The following LRRC37A2 variants were observed in gnomAD, a reference collection of about 807,000 sequenced individuals.
LRRC37A2 encodes leucine rich repeat containing 37 member A2.
A neutral mutation model predicts 68.8 loss-of-function variants in LRRC37A2; 9 were observed. That is an observed-to-expected ratio of 0.13 (90% CI 0.08 to 0.23). The LOEUF (loss-of-function observed/expected upper bound fraction) is 0.23. LRRC37A2 is among the 10% of genes least tolerant of loss of function. The pLI is 1.00. For missense variants in LRRC37A2, 168 were observed against 950.4 expected (o/e 0.18, Z 10.82); for synonymous variants, 63 against 367.6 (o/e 0.17, Z 9.48).
chr17:46,863,293 C>T, the LRRC37A2 span, among the ~76,000 whole-genome samples: 21 of 152,358 alleles, frequency 1.4e-4, no homozygotes, highest in Middle Eastern at 3.4e-3. Context: ...CCGAACTGCA[C>T]TCCTTGCGTG....
chr17:46,958,678 A>G, the LRRC37A2 span, among the ~76,000 whole-genome samples: 5 of 152,230 alleles, frequency 3.3e-5, no homozygotes, highest in African/African-American at 1.2e-4. Flanking sequence ...TCTGATGGAC[A>G]AGAGTTCTCC....
the LRRC37A2 span, among the ~76,000 whole-genome samples, chr17:46,856,763 C>T: frequency 2.6e-5 from 4 of 151,940 alleles, no homozygotes; most frequent in Non-Finnish European, 5.9e-5. Context: ...GAATTATGGG[C>T]GTGCACCACC....
chr17:47,006,900 G>A, the LRRC37A2 span, among the ~76,000 whole-genome samples: 2 of 152,216 alleles, frequency 1.3e-5, no homozygotes, highest in Non-Finnish European at 2.9e-5. Context: ...CTCTCAGATA[G>A]TGTGAATACA....
chr17:46,874,374 C>A, the LRRC37A2 span, among the ~76,000 whole-genome samples: 5 of 152,254 alleles, frequency 3.3e-5, no homozygotes, highest in African/African-American at 1.2e-4. Context: ...ATGGGCCCAT[C>A]CAAATGGTCA....
At chr17:46,925,370 C>T in the LRRC37A2 span, among the ~76,000 whole-genome samples, 1 of 152,248 alleles carries the variant, frequency 6.6e-6, no homozygotes, top group Non-Finnish European at 1.5e-5. Context: ...TGAGCACCTA[C>T]TATGTGCTGT....
At chr17:46,925,068 A>G in the LRRC37A2 span, among the ~76,000 whole-genome samples, 1 of 152,164 alleles carries the variant, frequency 6.6e-6, no homozygotes, top group African/African-American at 2.4e-5. Flanking sequence ...AGGTGTGTGG[A>G]GTGTAGATGC....
At chr17:46,823,153 T>A in the LRRC37A2 span, among the ~76,000 whole-genome samples, 1 of 100,892 alleles carries the variant, frequency 9.9e-6, no homozygotes, top group African/African-American at 4.9e-5. Context: ...TATATATATT[T>A]ATATATTATA....
the LRRC37A2 span, among the ~76,000 whole-genome samples, chr17:46,803,148 C>T: frequency 6.6e-6 from 1 of 152,332 alleles, no homozygotes; most frequent in South Asian, 2.1e-4. Context: ...GGTGTATGCA[C>T]GCATTTGGTC....
the LRRC37A2 span, among the ~76,000 whole-genome samples, chr17:46,916,521 C>A: frequency 6.6e-6 from 1 of 152,134 alleles, no homozygotes; most frequent in South Asian, 2.1e-4. Context: ...AAACTCTGAT[C>A]GGCGAAATTT....
At chr17:46,795,690 G>T in the LRRC37A2 span, among the ~76,000 whole-genome samples, 1 of 152,178 alleles carries the variant, frequency 6.6e-6, no homozygotes, top group Non-Finnish European at 1.5e-5. Flanking sequence ...CTGCTGTTCT[G>T]CGGCACTGCT....
the LRRC37A2 span, among the ~76,000 whole-genome samples, chr17:47,002,701 T>C: frequency 1.3e-5 from 2 of 152,318 alleles, no homozygotes; most frequent in South Asian, 4.1e-4. Flanking sequence ...TTAGTTATTT[T>C]TAAATATACA....
chr17:46,749,011 G>T, the LRRC37A2 span, among the ~76,000 whole-genome samples: 2 of 152,156 alleles, frequency 1.3e-5, no homozygotes, highest in African/African-American at 2.4e-5. Flanking sequence ...GGGAAGGGGG[G>T]TAGTGCAAAA....
chr17:46,737,653 T>C, the LRRC37A2 span, among the ~76,000 whole-genome samples: 1 of 151,152 alleles, frequency 6.6e-6, no homozygotes, highest in South Asian at 2.1e-4. Context: ...CAATCCAGGG[T>C]GGGAGAAAGA....
the LRRC37A2 span, chr17:46,876,943 C>A: frequency 1.5e-6 from 2 of 1,320,608 alleles, no homozygotes; most frequent in Admixed American, 7.0e-5. Flanking sequence ...CCAAGCATCC[C>A]CAACCTTGTT....
the LRRC37A2 span, among the ~76,000 whole-genome samples, chr17:46,951,370 A>T: frequency 6.6e-6 from 1 of 151,974 alleles, no homozygotes; most frequent in African/African-American, 2.4e-5. Flanking sequence ...CTCCTTACCC[A>T]TCAATTTCAT....
the LRRC37A2 span, among the ~76,000 whole-genome samples, chr17:46,720,322 C>T: frequency 6.6e-6 from 1 of 152,140 alleles, no homozygotes; most frequent in African/African-American, 2.4e-5. Context: ...GCATTTGTAT[C>T]TCTTTGGCGT....
At chr17:46,820,196 G>T in the LRRC37A2 span, among the ~76,000 whole-genome samples, 4 of 152,160 alleles carry the variant, frequency 2.6e-5, no homozygotes, top group Non-Finnish European at 5.9e-5. Flanking sequence ...AGCCCTCTCC[G>T]CACGCGGCTG....
chr17:47,011,061 G>T, the LRRC37A2 span, among the ~76,000 whole-genome samples: 1 of 152,146 alleles, frequency 6.6e-6, no homozygotes, highest in Non-Finnish European at 1.5e-5. Context: ...GTCTTAGACA[G>T]AAAAAGAGAC....
At chr17:46,717,902 A>G in the LRRC37A2 span, among the ~76,000 whole-genome samples, 3 of 152,158 alleles carry the variant, frequency 2.0e-5, no homozygotes, top group African/African-American at 7.2e-5. Flanking sequence ...CAACTCCTGG[A>G]TATGAGCTCA....
Sources: gnomAD v4.1 joint callset for allele counts (sites outside exome capture counted in the v4.1 genomes callset) on GRCh38, gnomAD v4.1.1 for gene constraint, MANE v1.5 for transcripts, NCBI Gene and HGNC (gene_info 2026-07-23, HGNC 2026-07-21) for gene names.